PAAF1: variants seen among roughly 807,000 people sequenced by gnomAD.
PAAF1 encodes the protein proteasomal ATPase associated factor 1.
PAAF1 carries 46 observed loss-of-function variants against 52.8 expected under a neutral mutation model. That is an observed-to-expected ratio of 0.87 (90% CI 0.69 to 1.11). The LOEUF is 1.11. Ranked by LOEUF, PAAF1 falls within the 50% of genes most tolerant of loss-of-function variation. The pLI is 0.00. For missense variants in PAAF1, 424 were observed against 477.4 expected, an observed-to-expected ratio of 0.89 and a Z score of 1.04; for synonymous variants, 178 against 172.8, an observed-to-expected ratio of 1.03 and a Z score of -0.24.
intron 6 of PAAF1, among the ~76,000 whole-genome samples, chr11:73,906,023 A>T (rs1565141825): frequency 6.6e-6 from 1 of 152,206 alleles, no homozygotes; most frequent in Non-Finnish European, 1.5e-5. Flanking sequence ...TGCTGAATGT[A>T]TTATGGAGTT....
In PAAF1 at chr11:73,924,630, T is replaced by G; in HGVS notation, c.1034T>G (p.Phe345Cys). The G allele has an allele frequency of 6.2e-7, 1 of 1,613,964 alleles. No individual in the cohort carries two copies. The highest frequency in any genetic ancestry group is 8.5e-7 in the Non-Finnish European group (1 of 1,179,878). The change falls in exon 11 of 12, where the codon TTT (phenylalanine) becomes TGT (cysteine). Residue 345 changes from phenylalanine (F) to cysteine (C), a missense_variant. Physicochemically the swap from Phe to Cys is radical, Grantham distance 205 (BLOSUM62 -2). Coordinates refer to ENST00000310571, the MANE Select transcript of PAAF1 (RefSeq NM_025155.3). ...FIASQGDGSC[F>C]IVQQDLDYVT... ...TGCCTTTCAGGTGATGGAAGCTGTT[T>G]TATTGTCCAGCAAGACTTAGACTAT...
chr11:73,907,980 T>C (rs1409287715), intron 6 of PAAF1, among the ~76,000 whole-genome samples: 1 of 152,104 alleles, frequency 6.6e-6, no homozygotes, highest in Non-Finnish European at 1.5e-5. Context: ...CAGGAACTCA[T>C]TGCTGTGTTG....
chr11:73,921,196 AG>A (rs1950207686), intron 10 of PAAF1, among the ~76,000 whole-genome samples: 1 of 151,956 alleles, frequency 6.6e-6, no homozygotes, highest in Non-Finnish European at 1.5e-5. Context: ...GCTACTTGGG[AG>A]GCTGAGGCAG....
chr11:73,882,308 G>A (rs1313183768), intron 2 of PAAF1, among the ~76,000 whole-genome samples: 1 of 139,524 alleles, frequency 7.2e-6, no homozygotes, highest in Non-Finnish European at 1.5e-5. Context: ...CACCGTGCCT[G>A]CACTTTTTTT....
chr11:73,930,800 T>A lies in PAAF1; in HGVS notation c.*3438T>A, dbSNP rs930865150. ...ATATGTATATATATATATTTATATA[T>A]GTAGAAGCAGTGAGTAGAATGGTGG... On this transcript the variant is annotated 3_prime_UTR_variant, in exon 12 of 12. Transcript: ENST00000310571. The A allele has an allele frequency of 2.4e-4, 36 of 150,410 alleles. No individual in the cohort carries two copies. The highest frequency in any genetic ancestry group is 8.3e-4 in the African/African-American group (34 of 41,136). 9.3% of individuals were successfully genotyped at this position (150,410 alleles called of 1,614,324 possible).
rs569689774 is a variant in PAAF1, at chr11:73,897,478, G to A, written c.283-1668G>A. Among the ~76,000 whole-genome samples the A allele has an allele frequency of 1.8e-3, 270 of 151,306 alleles. 1 individual carries two copies. Among genetic ancestry groups the A allele is most frequent in the African/African-American group, 5.3e-3 (217 of 41,248 alleles). Reference sequence around the variant, plus strand: ...TCCTCACTTCTCAGACGGGGCGGCCGGGCAGAGACGCTCCTCACATCCCGG... The same window carrying A: ...TCCTCACTTCTCAGACGGGGCGGCCAGGCAGAGACGCTCCTCACATCCCGG... On this transcript the variant is annotated intron_variant, in intron 4 of 11. Coordinates refer to ENST00000310571, the MANE Select transcript of PAAF1 (RefSeq NM_025155.3).
intron 6 of PAAF1, among the ~76,000 whole-genome samples, chr11:73,908,401 G>GTATATATGTA (rs1949834706): frequency 4.8e-5 from 7 of 146,556 alleles, no homozygotes; most frequent in East Asian, 2.0e-4. Context: ...ATATATATGT[G>GTATATATGTA]TATATATATG....
At chr11:73,925,156 CAAA>C (rs34408861) in intron 11 of PAAF1, among the ~76,000 whole-genome samples, 3 of 61,764 alleles carry the variant, frequency 4.9e-5, no homozygotes. Context: ...GACTCCATCT[CAAA>C]AAAAAAAAAA....
Position 73,927,472 on chromosome 11 carries a change from C to T in PAAF1, c.*110C>T, listed in dbSNP as rs527463509. ...ACCATGGCGTTTAATGTCTTGGGCACCCCTTGGAAATCACAGAAAGTCAGC... is the reference window on the plus strand; with the variant it reads ...ACCATGGCGTTTAATGTCTTGGGCATCCCTTGGAAATCACAGAAAGTCAGC... On this transcript the variant is annotated 3_prime_UTR_variant, in exon 12 of 12. Coordinates refer to ENST00000310571, the MANE Select transcript of PAAF1 (RefSeq NM_025155.3). The T allele has an allele frequency of 1.5e-5, 14 of 917,772 alleles. No individual in the cohort carries two copies. In the African/African-American group the frequency reaches 1.8e-4, roughly 12 times the overall value. The allele number at this position is 917,772 out of a possible 1,614,324, so 56.9% of individuals were successfully genotyped here. A position where few individuals can be genotyped will look rare whatever the true frequency, so the allele number is the denominator to read the frequency against.
chr11:73,889,047 C>T (rs571752447), intron 3 of PAAF1: 43 of 655,370 alleles, frequency 6.6e-5, no homozygotes, highest in Non-Finnish European at 1.1e-4. Flanking sequence ...CAAAGACAGA[C>T]TGTATGCTGG....
At chr11:73,888,931 T>G (rs1949130946) in intron 3 of PAAF1, 1 of 475,450 alleles carries the variant, frequency 2.1e-6, no homozygotes, top group South Asian at 4.6e-5. Flanking sequence ...ACTACAGAAG[T>G]TAGTTTTGGT....
rs924298464 is a variant in PAAF1 at position 73,930,256 on chromosome 11, G to A, written c.*2894G>A. Reference sequence around the variant, plus strand: ...ATGGTGGCAGGCACCTATAGTCCCAGCTACTTGGGAGGCTGAGGCAGGAGA... The same window carrying A: ...ATGGTGGCAGGCACCTATAGTCCCAACTACTTGGGAGGCTGAGGCAGGAGA... On this transcript the variant is annotated 3_prime_UTR_variant, in exon 12 of 12. Transcript: ENST00000310571. 3.3e-5 allele frequency: 5 copies of A among 151,478 alleles called. No homozygotes were observed. Among genetic ancestry groups the A allele is most frequent in the African/African-American group, 1.2e-4 (5 of 41,112 alleles). 9.4% of individuals were successfully genotyped at this position (151,478 alleles called of 1,614,324 possible). A position where few individuals can be genotyped will look rare whatever the true frequency, so the allele number is the denominator to read the frequency against.
At chr11:73,887,998 T>A (rs1310835161) in intron 3 of PAAF1, among the ~76,000 whole-genome samples, 1 of 152,178 alleles carries the variant, frequency 6.6e-6, no homozygotes, top group Non-Finnish European at 1.5e-5. Flanking sequence ...TCCACCTGTC[T>A]CGGCCTCCCA....
chr11:73,878,951 C>A, intron 2 of PAAF1, 132 bp downstream of exon 2: 2 of 701,360 alleles, frequency 2.9e-6, no homozygotes, highest in South Asian at 2.5e-5. Flanking sequence ...CCAGTCTGTA[C>A]TGTATGGCCA....
chr11:73,921,213 T>C (rs1166506403), intron 10 of PAAF1, among the ~76,000 whole-genome samples: 12 of 151,512 alleles, frequency 7.9e-5, no homozygotes, highest in Non-Finnish European at 1.5e-5. Flanking sequence ...GGCAGGAGAA[T>C]CACTTGAACC....
In PAAF1 at chr11:73,924,807, T is replaced by C. The variant is rs1353838631; in HGVS notation, c.1101+110T>C. 6.0e-6 allele frequency: 5 copies of C among 840,278 alleles called. No individual in the cohort carries two copies. The East Asian group carries it at 1.3e-4, about 21-fold the overall frequency. 52.1% of individuals were successfully genotyped at this position (840,278 alleles called of 1,614,324 possible). A position where few individuals can be genotyped will look rare whatever the true frequency, so the allele number is the denominator to read the frequency against. On this transcript the variant is annotated intron_variant, in intron 11 of 11. Coordinates refer to ENST00000310571, the MANE Select transcript of PAAF1 (RefSeq NM_025155.3). ...GTCATTAGGGATGATAAAATAGTGCTTATTGTATAAGCAGTGTGGTAGGAT... is the reference window on the plus strand; with the variant it reads ...GTCATTAGGGATGATAAAATAGTGCCTATTGTATAAGCAGTGTGGTAGGAT...
intron 6 of PAAF1, among the ~76,000 whole-genome samples, chr11:73,904,138 G>A (rs911916045): frequency 6.6e-6 from 1 of 151,832 alleles, no homozygotes; most frequent in Non-Finnish European, 1.5e-5. Context: ...TTGTGTGTGT[G>A]TGTGTATTTA....
chr11:73,887,274 G>A (rs1949087113), intron 2 of PAAF1, 80 bp from the exon 3 acceptor site: 1 of 994,512 alleles, frequency 1.0e-6, no homozygotes, highest in Non-Finnish European at 1.5e-6. Context: ...TATTTATACA[G>A]ATGCCTGAAT....
At chr11:73,902,709 T>A (rs867926722) in intron 6 of PAAF1, among the ~76,000 whole-genome samples, 19 of 152,212 alleles carry the variant, frequency 1.2e-4, no homozygotes, top group African/African-American at 4.1e-4. Context: ...TATTATTATT[T>A]TTTTTGAGAT....
Sources: gnomAD v4.1 joint callset for allele counts (sites outside exome capture counted in the v4.1 genomes callset) on GRCh38, gnomAD v4.1.1 for gene constraint, MANE v1.5 for transcripts, NCBI Gene and HGNC (gene_info 2026-07-23, HGNC 2026-07-21) for gene names.